The following CASS4 variants were observed in gnomAD, a reference collection of about 807,000 sequenced individuals.
The protein encoded by CASS4 is Cas scaffold protein family member 4.
A neutral mutation model predicts 54.2 loss-of-function variants in CASS4; 22 were observed. The ratio of observed to expected loss-of-function variants is 0.41; its 90% CI spans 0.29 to 0.58. CASS4 has a LOEUF of 0.58. Among genes scored for constraint, CASS4 ranks in the 20% least tolerant of loss-of-function variants. The probability of loss-of-function intolerance (pLI) is 0.36; values close to 1 mark genes in which losing one functional copy is unlikely to be tolerated. For synonymous variants in CASS4, 409 were observed against 391.5 expected, an observed-to-expected ratio of 1.04 and a Z score of -0.53; for missense variants, 854 against 986.7, an observed-to-expected ratio of 0.87 and a Z score of 1.80.
intron 1 of CASS4, among the ~76,000 whole-genome samples, chr20:56,427,282 T>C (rs915136745): frequency 3.3e-5 from 5 of 152,166 alleles, no homozygotes; most frequent in African/African-American, 1.2e-4. Context: ...ATACTTTGAT[T>C]TTTCCTCAGG....
intron 1 of CASS4, among the ~76,000 whole-genome samples, chr20:56,433,835 C>A (rs2146277626): frequency 6.6e-6 from 1 of 152,292 alleles, no homozygotes; most frequent in Non-Finnish European, 1.5e-5. Flanking sequence ...GAATGCCCCT[C>A]ACAATACACA....
intron 1 of CASS4, among the ~76,000 whole-genome samples, chr20:56,419,079 A>T (rs948656004): frequency 2.0e-5 from 3 of 152,168 alleles, no homozygotes; most frequent in African/African-American, 2.4e-5. Context: ...GCATTGGCCG[A>T]CACGATAATG....
At chr20:56,447,706 C>T (rs935703351) in intron 3 of CASS4, among the ~76,000 whole-genome samples, 1 of 152,214 alleles carries the variant, frequency 6.6e-6, no homozygotes, top group Non-Finnish European at 1.5e-5. Flanking sequence ...CATTTCCAGC[C>T]ACATCCTCGT....
chr20:56,450,979 C>T (rs1479837728), intron 4 of CASS4, among the ~76,000 whole-genome samples: 2 of 150,622 alleles, frequency 1.3e-5, no homozygotes, highest in Admixed American at 1.3e-4. Flanking sequence ...GACCAGTCTG[C>T]CCAACATGGT....
At position 56,437,759 on chromosome 20, in the gene CASS4, C is replaced by T. The variant is rs937204032; in HGVS notation, c.459+173C>T. ...TGCCAGGTTGGGATGGAGAACTCAG[C>T]GGCCTCCACCCCCTTGTCGTTGACA... On this transcript the variant is annotated intron_variant, in intron 2 of 5. Coordinates refer to ENST00000679887, the MANE Select transcript of CASS4 (RefSeq NM_020356.4). The surrounding 1 kb of genome is among the most constrained non-coding windows in gnomAD (Gnocchi z 4.7). 1.3e-4 allele frequency among the ~76,000 whole-genome samples: 20 copies of T among 152,180 alleles called. No individual in the cohort carries two copies. The highest frequency in any genetic ancestry group is 2.2e-4 in the African/African-American group (9 of 41,438).
chr20:56,412,583 T>C lies in CASS4; in HGVS notation c.36+89T>C. Reference sequence around the variant, plus strand: ...TTGACCAGCTTTAGTTGTGACTTTCTAATAAAGGTTGAATACCAGTGACGT... The same window carrying C: ...TTGACCAGCTTTAGTTGTGACTTTCCAATAAAGGTTGAATACCAGTGACGT... On this transcript the variant is annotated intron_variant, in intron 1 of 5. Transcript: ENST00000679887. This position sits in a 1 kb window ranked among gnomAD's most constrained non-coding sequence, Gnocchi z 4.2. The C allele has an allele frequency of 7.3e-7, 1 of 1,367,036 alleles. No homozygotes were observed. The highest frequency in any genetic ancestry group is 1.8e-4 in the Middle Eastern group (1 of 5,592). 84.7% of individuals were successfully genotyped at this position (1,367,036 alleles called of 1,614,324 possible). A position where few individuals can be genotyped will look rare whatever the true frequency, so the allele number is the denominator to read the frequency against.
chr20:56,450,560 G>A (rs1244722272), intron 3 of CASS4, 39 bp from the exon 4 acceptor site: 1 of 1,585,352 alleles, frequency 6.3e-7, no homozygotes, highest in Non-Finnish European at 8.7e-7. Context: ...CATTAGGAAA[G>A]AAACATTCAA....
chr20:56,443,814 G>A (rs1980578398), intron 2 of CASS4, among the ~76,000 whole-genome samples: 1 of 152,174 alleles, frequency 6.6e-6, no homozygotes, highest in South Asian at 2.1e-4. Context: ...GAAACCCCTT[G>A]TCTGAAGCGC....
chr20:56,432,399 A>G (rs1979952087), intron 1 of CASS4, among the ~76,000 whole-genome samples: 2 of 117,528 alleles, frequency 1.7e-5, no homozygotes, highest in Admixed American at 2.6e-4. Flanking sequence ...ACAGGGTCTC[A>G]CTTCCTCACC....
intron 1 of CASS4, among the ~76,000 whole-genome samples, chr20:56,418,063 C>T (rs988932107): frequency 2.6e-5 from 4 of 152,310 alleles, no homozygotes; most frequent in East Asian, 1.9e-4. Context: ...AGTTATTGGG[C>T]TCCGGGGGTT....
In CASS4 at chr20:56,419,222, C is replaced by T. The variant is rs531765765; in HGVS notation, c.36+6728C>T. ...TGGGAGGCTGGTAAGAGAGCTGCCA[C>T]GGAGGGGGAGATTAGAACACTCCAA... On this transcript the variant is annotated intron_variant, in intron 1 of 5. Transcript: ENST00000679887. 1.4e-3 allele frequency among the ~76,000 whole-genome samples: 220 copies of T among 152,140 alleles called. 1 individual carries two copies. The highest frequency in any genetic ancestry group is 2.3e-3 in the African/African-American group (97 of 41,466).
chr20:56,458,384 T>A lies in CASS4; in HGVS notation c.1998T>A (p.Pro666=). The part of the protein sequence containing the change: ...LIPQPSSQQT[P]ERKPRLSEHC... ...CTCAGCCTTCGAGTCAACAGACTCCTGAGAGGAAACCCCGCTTATCTGAAC... is the reference window on the plus strand; with the variant it reads ...CTCAGCCTTCGAGTCAACAGACTCCAGAGAGGAAACCCCGCTTATCTGAAC... The change falls in exon 6 of 6, where the codon CCT becomes CCA. Residue 666 remains proline (P), a synonymous_variant. Coordinates refer to ENST00000679887, the MANE Select transcript of CASS4 (RefSeq NM_020356.4). The A allele has an allele frequency of 6.2e-7, 1 of 1,614,088 alleles. No homozygotes were observed. Among genetic ancestry groups the A allele is most frequent in the Non-Finnish European group, 8.5e-7 (1 of 1,179,982 alleles).
At chr20:56,413,158 G>A (rs1225138623) in intron 1 of CASS4, among the ~76,000 whole-genome samples, 3 of 147,094 alleles carry the variant, frequency 2.0e-5, no homozygotes, top group African/African-American at 5.1e-5. Context: ...GCAACATAGC[G>A]AGACCCCATC....
chr20:56,446,065 G>A lies in CASS4; in HGVS notation c.561+64G>A, dbSNP rs763260720. 131 of 1,090,582 alleles carry A rather than the reference G, an allele frequency of 1.2e-4. No homozygotes were observed. In the Admixed American group the frequency reaches 2.5e-3, roughly 21 times the overall value. The allele number at this position is 1,090,582 out of a possible 1,614,324, so 67.6% of individuals were successfully genotyped here. ...TGCGCCCAGAGTCTGGGGTTCTTGG[G>A]ATCATGCCCACATTGCATTTCAGCA... On this transcript the variant is annotated intron_variant, in intron 3 of 5. Transcript: ENST00000679887.
chr20:56,425,915 A>G (rs926726926), intron 1 of CASS4, among the ~76,000 whole-genome samples: 6 of 152,212 alleles, frequency 3.9e-5, no homozygotes, highest in African/African-American at 1.4e-4. Flanking sequence ...ATGCAGACCT[A>G]TGCTCATCTT....
chr20:56,456,683 T>C (rs6123594), intron 5 of CASS4, among the ~76,000 whole-genome samples: 45,979 of 151,170 alleles, frequency 0.3, 8,579 homozygotes, highest in East Asian at 0.71. Context: ...CTCCCTTTTT[T>C]ATTTTATTTT....
chr20:56,417,136 C>CT (rs1303993342), intron 1 of CASS4, among the ~76,000 whole-genome samples: 1 of 152,192 alleles, frequency 6.6e-6, no homozygotes, highest in Admixed American at 6.5e-5. Context: ...TGCTTCAGTG[C>CT]TTCTGGGCAA....
intron 1 of CASS4, among the ~76,000 whole-genome samples, chr20:56,424,557 A>G (rs568190137): frequency 2.6e-5 from 4 of 152,140 alleles, no homozygotes; most frequent in East Asian, 1.9e-4. Flanking sequence ...CCTGGCCAAC[A>G]TGGGGAAACC....
At chr20:56,455,809 T>C (rs1981264173) in intron 5 of CASS4, among the ~76,000 whole-genome samples, 1 of 152,078 alleles carries the variant, frequency 6.6e-6, no homozygotes, top group African/African-American at 2.4e-5. Flanking sequence ...CGGGCACCTG[T>C]AATCCCAGCT....
Sources: allele counts gnomAD v4.1 joint callset (sites outside exome capture counted in the v4.1 genomes callset), GRCh38; gene constraint gnomAD v4.1.1; non-coding constraint Gnocchi (gnomAD v3.1); transcripts MANE v1.5; gene names NCBI Gene and HGNC (gene_info 2026-07-23, HGNC 2026-07-21).